The following CNTN5 variants were observed in gnomAD, a reference collection of about 807,000 sequenced individuals.
The protein encoded by CNTN5 is contactin-5.
CNTN5 carries 77 observed loss-of-function variants against 129.1 expected under a neutral mutation model. The ratio of observed to expected loss-of-function variants is 0.60; its 90% CI spans 0.50 to 0.72. CNTN5 has a LOEUF of 0.72. Among genes scored for constraint, CNTN5 ranks in the 30% least tolerant of loss-of-function variants. The pLI is 0.00. For missense variants in CNTN5, 1,478 were observed against 1,328.8 expected, an observed-to-expected ratio of 1.11 and a Z score of -1.75; for synonymous variants, 509 against 465.6, an observed-to-expected ratio of 1.09 and a Z score of -1.20.
chr11:99,758,705 C>A (rs1944482228), intron 3 of CNTN5, among the ~76,000 whole-genome samples: 1 of 151,818 alleles, frequency 6.6e-6, no homozygotes, highest in African/African-American at 2.4e-5. Context: ...TACTAAATGA[C>A]TAGCAGTAGA....
At chr11:99,217,264 A>C (rs747576424) in intron 1 of CNTN5, among the ~76,000 whole-genome samples, 2 of 71,754 alleles carry the variant, frequency 2.8e-5, no homozygotes, top group Non-Finnish European at 5.3e-5. Flanking sequence ...AAATATCGGC[A>C]AAAGATCTGT....
chr11:100,062,512 T>C (rs1943525212), intron 10 of CNTN5, among the ~76,000 whole-genome samples: 1 of 152,166 alleles, frequency 6.6e-6, no homozygotes, highest in Admixed American at 6.5e-5. Flanking sequence ...ATGCCAGCAA[T>C]AGAGCCTTGA....
intron 1 of CNTN5, among the ~76,000 whole-genome samples, chr11:99,028,877 G>A (rs1158301261): frequency 2.6e-5 from 4 of 151,716 alleles, no homozygotes; most frequent in Admixed American, 6.6e-5. Flanking sequence ...TTATATGGCC[G>A]TTTCCAAATA....
intron 3 of CNTN5, among the ~76,000 whole-genome samples, chr11:99,577,086 T>C (rs759546818): frequency 9.2e-5 from 14 of 152,306 alleles, no homozygotes; most frequent in Admixed American, 2.0e-4. Flanking sequence ...TATTGGACTT[T>C]TTGTGGCACA....
At chr11:99,919,200 A>C (rs2136025555) in intron 7 of CNTN5, among the ~76,000 whole-genome samples, 1 of 152,216 alleles carries the variant, frequency 6.6e-6, no homozygotes, top group South Asian at 2.1e-4. Flanking sequence ...TTTACTTCCA[A>C]CGGTATAGTA....
chr11:99,371,959 T>C (rs1683201939), intron 2 of CNTN5, among the ~76,000 whole-genome samples: 1 of 152,202 alleles, frequency 6.6e-6, no homozygotes, highest in African/African-American at 2.4e-5. Context: ...AATTGTGAAG[T>C]ACAAAATGCT....
At chr11:100,137,237 T>G (rs1946556315) in intron 13 of CNTN5, among the ~76,000 whole-genome samples, 1 of 152,100 alleles carries the variant, frequency 6.6e-6, no homozygotes, top group Admixed American at 6.6e-5. Flanking sequence ...AAATATCAAT[T>G]TTAATATTCA....
intron 13 of CNTN5, among the ~76,000 whole-genome samples, chr11:100,076,929 C>T (rs953293578): frequency 1.3e-5 from 2 of 152,016 alleles, no homozygotes; most frequent in African/African-American, 4.8e-5. Flanking sequence ...AAAATAATAA[C>T]ACTTAATATT....
chr11:99,233,179 A>G (rs535578538), intron 1 of CNTN5, among the ~76,000 whole-genome samples: 2 of 152,328 alleles, frequency 1.3e-5, no homozygotes, highest in South Asian at 4.1e-4. Context: ...GTGCTTTGTC[A>G]CAGCTGAATT....
At chr11:99,443,952 C>T (rs1163940612) in intron 2 of CNTN5, among the ~76,000 whole-genome samples, 1 of 152,132 alleles carries the variant, frequency 6.6e-6, no homozygotes, top group African/African-American at 2.4e-5. Flanking sequence ...AATCCCAGCA[C>T]TTTGGGAGGC....
At chr11:99,415,476 A>T (rs1002557933) in intron 2 of CNTN5, among the ~76,000 whole-genome samples, 1 of 152,178 alleles carries the variant, frequency 6.6e-6, no homozygotes, top group African/African-American at 2.4e-5. Context: ...TATAACCTAT[A>T]CCAGGTAAAT....
At chr11:99,954,729 G>C (rs1243176765) in intron 7 of CNTN5, among the ~76,000 whole-genome samples, 1 of 152,182 alleles carries the variant, frequency 6.6e-6, no homozygotes, top group East Asian at 1.9e-4. Context: ...GTTTAGCTCA[G>C]TCCAATATTT....
At chr11:99,146,844 C>T (rs1248097248) in intron 1 of CNTN5, among the ~76,000 whole-genome samples, 1 of 152,024 alleles carries the variant, frequency 6.6e-6, no homozygotes, top group Admixed American at 6.6e-5. Flanking sequence ...ACCTCAGCCT[C>T]CCAAGCAGCT....
chr11:100,000,527 C>T (rs906675417), intron 8 of CNTN5, among the ~76,000 whole-genome samples: 3 of 152,292 alleles, frequency 2.0e-5, no homozygotes, highest in South Asian at 4.1e-4. Flanking sequence ...CATGGGCTGC[C>T]GTTGAGTGCC....
At chr11:99,414,485 A>G (rs1942552160) in intron 2 of CNTN5, among the ~76,000 whole-genome samples, 1 of 151,904 alleles carries the variant, frequency 6.6e-6, no homozygotes, top group South Asian at 2.1e-4. Flanking sequence ...TAGAATATAT[A>G]TGTATAAGAA....
At chr11:99,193,126 T>C (rs1221875753) in intron 1 of CNTN5, among the ~76,000 whole-genome samples, 4 of 152,204 alleles carry the variant, frequency 2.6e-5, no homozygotes, top group Admixed American at 2.6e-4. Context: ...AAATGTTTGC[T>C]ACAGATTTAC....
chr11:99,508,660 C>T (rs753784763), intron 2 of CNTN5, among the ~76,000 whole-genome samples: 5 of 150,298 alleles, frequency 3.3e-5, no homozygotes, highest in Non-Finnish European at 5.9e-5. Flanking sequence ...GGTTCAGCAA[C>T]GCATAATATA....
intron 3 of CNTN5, among the ~76,000 whole-genome samples, chr11:99,615,867 TC>T (rs1260181918): frequency 6.6e-6 from 1 of 152,042 alleles, no homozygotes; most frequent in African/African-American, 2.4e-5. Flanking sequence ...ACTCAAGCGA[TC>T]CTCCCACCTC....
At chr11:99,931,644 G>C (rs972134987) in intron 7 of CNTN5, among the ~76,000 whole-genome samples, 7 of 152,176 alleles carry the variant, frequency 4.6e-5, no homozygotes, top group African/African-American at 1.7e-4. Context: ...TTGATAACTG[G>C]TTCCCATTAG....
Sources: allele counts gnomAD v4.1 joint callset (sites outside exome capture counted in the v4.1 genomes callset), GRCh38; gene constraint gnomAD v4.1.1; transcripts MANE v1.5; gene names NCBI Gene and HGNC (gene_info 2026-07-23, HGNC 2026-07-21).